NIPBL: variants seen among roughly 807,000 people sequenced by gnomAD.
NIPBL encodes the protein NIPBL cohesin loading factor.
A neutral mutation model predicts 321.8 loss-of-function variants in NIPBL; 19 were observed. The observed-to-expected ratio is 0.06, with a 90% CI of 0.04 to 0.09. NIPBL has a LOEUF of 0.09. Among genes scored for constraint, NIPBL ranks in the 10% least tolerant of loss-of-function variants. The probability of loss-of-function intolerance (pLI) is 1.00; values close to 1 mark genes in which losing one functional copy is unlikely to be tolerated. For missense variants in NIPBL, 2,210 were observed against 3,327.0 expected, an observed-to-expected ratio of 0.66 and a Z score of 8.26; for synonymous variants, 1,106 against 1,114.1, an observed-to-expected ratio of 0.99 and a Z score of 0.14.
chr5:37,028,556 G>A (rs1014846357), intron 32 of NIPBL, among the ~76,000 whole-genome samples: 1 of 151,894 alleles, frequency 6.6e-6, no homozygotes, highest in Non-Finnish European at 1.5e-5. Context: ...GGCCAGGCTG[G>A]TCTCAAACTC....
rs398124473 is a variant in NIPBL at position 36,971,937 on chromosome 5, A to G, written c.772-8A>G. 7 of 1,609,632 alleles carry G rather than the reference A, an allele frequency of 4.3e-6. No individual in the cohort carries two copies. The highest frequency in any genetic ancestry group is 2.7e-5 in the African/African-American group (2 of 74,862). On this transcript the variant is annotated splice_region_variant and splice_polypyrimidine_tract_variant and intron_variant, in intron 7 of 46. Transcript: ENST00000282516. ...ATTCAAAAGATAAATTGTATACTCT[A>G]TTTTTAGGATGGAGATTCTTCAACA...
At chr5:36,999,134 A>G (rs1195679325) in intron 11 of NIPBL, among the ~76,000 whole-genome samples, 2 of 152,192 alleles carry the variant, frequency 1.3e-5, no homozygotes, top group African/African-American at 4.8e-5. Flanking sequence ...GACAGAGTAT[A>G]GACATTTATT....
chr5:37,047,476 A>T (rs1753099438), intron 38 of NIPBL, among the ~76,000 whole-genome samples: 1 of 152,224 alleles, frequency 6.6e-6, no homozygotes, highest in East Asian at 1.9e-4. Flanking sequence ...AATTACATAT[A>T]GCACATAGAG....
At chr5:36,924,691 G>C (rs1160798102) in intron 1 of NIPBL, among the ~76,000 whole-genome samples, 3 of 152,142 alleles carry the variant, frequency 2.0e-5, no homozygotes, top group Non-Finnish European at 2.9e-5. Flanking sequence ...AGCTAGTAAT[G>C]TACATAGCTG....
chr5:36,952,053 T>TGTGTGCGTGCGC (rs778597604), intron 1 of NIPBL, among the ~76,000 whole-genome samples: 1 of 112,106 alleles, frequency 8.9e-6, no homozygotes, highest in African/African-American at 3.1e-5. Flanking sequence ...TGTGTGTGTG[T>TGTGTGCGTGCGC]GCGCGCGCGC....
intron 10 of NIPBL, among the ~76,000 whole-genome samples, chr5:36,987,071 G>A (rs974181915): frequency 6.6e-6 from 1 of 152,014 alleles, no homozygotes; most frequent in African/African-American, 2.4e-5. Flanking sequence ...ATAGAGATGG[G>A]GTCTTGCTTT....
At chr5:36,905,705 A>G (rs1271985578) in intron 1 of NIPBL, among the ~76,000 whole-genome samples, 1 of 152,128 alleles carries the variant, frequency 6.6e-6, no homozygotes, top group Non-Finnish European at 1.5e-5. Context: ...TATCTAAAAA[A>G]TAAGAAAGTC....
chr5:36,928,876 TGTATTATG>T (rs1398061305), intron 1 of NIPBL, among the ~76,000 whole-genome samples: 1 of 152,214 alleles, frequency 6.6e-6, no homozygotes, highest in Non-Finnish European at 1.5e-5. Flanking sequence ...GGTAGTTCAT[TGTATTATG>T]ATATTTTGTT....
chr5:36,995,761 A>G lies in NIPBL; in HGVS notation c.3261A>G (p.Glu1087=). ...STVNEKPKYA[E]ISSDEDNDSD... ...TTAATGAAAAGCCAAAATATGCTGAAATCAGTTCAGATGAAGATAATGATA... is the reference window on the plus strand; with the variant it reads ...TTAATGAAAAGCCAAAATATGCTGAGATCAGTTCAGATGAAGATAATGATA... Residue 1087 remains glutamate, a synonymous_variant, in exon 11 of 47, where the codon GAA becomes GAG. Coordinates refer to ENST00000282516, the MANE Select transcript of NIPBL (RefSeq NM_133433.4). 3 of 1,613,866 alleles carry G rather than the reference A, an allele frequency of 1.9e-6. No individual in the cohort carries two copies. Among genetic ancestry groups the G allele is most frequent in the Non-Finnish European group, 2.5e-6 (3 of 1,179,814 alleles).
chr5:36,883,705 A>G (rs569571825), intron 1 of NIPBL, among the ~76,000 whole-genome samples: 1 of 152,010 alleles, frequency 6.6e-6, no homozygotes, highest in East Asian at 1.9e-4. Context: ...CTACTTGTCA[A>G]CCCTTTCAGT....
chr5:37,001,391 C>T, intron 14 of NIPBL, among the ~76,000 whole-genome samples: 1 of 151,978 alleles, frequency 6.6e-6, no homozygotes, highest in Non-Finnish European at 1.5e-5. Context: ...AGTCTGTTAC[C>T]AAGAAATTAA....
At chr5:36,939,203 A>G (rs1447729064) in intron 1 of NIPBL, among the ~76,000 whole-genome samples, 1 of 152,096 alleles carries the variant, frequency 6.6e-6, no homozygotes, top group Admixed American at 6.6e-5. Context: ...GGCTTTTGCC[A>G]TATTGCCCAG....
At chr5:36,972,536 T>A (rs903517867) in intron 8 of NIPBL, among the ~76,000 whole-genome samples, 15 of 152,138 alleles carry the variant, frequency 9.9e-5, no homozygotes, top group Non-Finnish European at 1.9e-4. Context: ...TTTTATTAAG[T>A]TTCATTAACA....
rs761440166 is a variant in NIPBL at position 36,955,676 on chromosome 5, GT to G, written c.230+43del. On this transcript the variant is annotated intron_variant, in intron 3 of 46. Coordinates refer to ENST00000282516, the MANE Select transcript of NIPBL (RefSeq NM_133433.4). ...ATTTTATATCTACTATAAGTGAAAAGTTTTGGCCTTACTAAGAGAATCCGTA... is the reference window on the plus strand; with the variant it reads ...ATTTTATATCTACTATAAGTGAAAAGTTTGGCCTTACTAAGAGAATCCGTA... The G allele has an allele frequency of 4.6e-5, 73 of 1,571,484 alleles. 1 individual carries two copies. The South Asian group carries it at 8.1e-4, about 17-fold the overall frequency.
Position 36,962,161 on chromosome 5 carries a change from T to C in NIPBL, c.497T>C (p.Phe166Ser). ...CCACAGACAAGCTCTGGGAACAGATTTATGCCACAGCAAAATAGCCCAGTG... is the reference window on the plus strand; with the variant it reads ...CCACAGACAAGCTCTGGGAACAGATCTATGCCACAGCAAAATAGCCCAGTG... The part of the protein sequence containing the change: ...VPPQTSSGNR[F>S]MPQQNSPVPS... The change falls in exon 6 of 47, where the codon TTT (phenylalanine) becomes TCT (serine). Residue 166 changes from phenylalanine to serine, a missense_variant. Coordinates refer to ENST00000282516, the MANE Select transcript of NIPBL (RefSeq NM_133433.4). 6.2e-7 allele frequency: 1 copy of C among 1,614,156 alleles called. No homozygotes were observed. Among genetic ancestry groups the C allele is most frequent in the Non-Finnish European group, 8.5e-7 (1 of 1,180,002 alleles).
At chr5:37,036,346 T>C (rs1035318207) in intron 32 of NIPBL, 33 bp from the exon 33 acceptor site, 8 of 457,878 alleles carry the variant, frequency 1.7e-5, no homozygotes, top group Non-Finnish European at 2.5e-5. Context: ...TATATATATA[T>C]GTATATATAT....
intron 1 of NIPBL, among the ~76,000 whole-genome samples, chr5:36,947,949 T>A (rs566103554): frequency 1.3e-5 from 2 of 152,110 alleles, no homozygotes; most frequent in East Asian, 3.9e-4. Context: ...ACACTGATAT[T>A]TTCAGTTAGC....
At chr5:36,997,640 G>T (rs181722274) in intron 11 of NIPBL, among the ~76,000 whole-genome samples, 1 of 152,218 alleles carries the variant, frequency 6.6e-6, no homozygotes, top group Admixed American at 6.5e-5. Context: ...AGTTTCTCTG[G>T]ATTTTTAAAG....
At chr5:36,882,706 C>T (rs887453153) in intron 1 of NIPBL, among the ~76,000 whole-genome samples, 4 of 151,780 alleles carry the variant, frequency 2.6e-5, no homozygotes, top group African/African-American at 9.7e-5. Flanking sequence ...ATTCTAAAAC[C>T]TCTATTCTTT....
Sources: allele counts gnomAD v4.1 joint callset (sites outside exome capture counted in the v4.1 genomes callset), GRCh38; gene constraint gnomAD v4.1.1; transcripts MANE v1.5; gene names NCBI Gene and HGNC (gene_info 2026-07-23, HGNC 2026-07-21).